MAML3: variants seen among roughly 807,000 people sequenced by gnomAD.
The protein encoded by MAML3 is mastermind like transcriptional coactivator 3.
A neutral mutation model predicts 101.9 loss-of-function variants in MAML3; 27 were observed. The observed-to-expected ratio is 0.27, with a 90% confidence interval of 0.20 to 0.37. The LOEUF is 0.37. Ranked by LOEUF, MAML3 falls within the 10% of genes least tolerant of loss-of-function variation. The pLI is 1.00. For missense variants in MAML3, 1,316 were observed against 1,444.9 expected, an observed-to-expected ratio of 0.91 and a Z score of 1.45; for synonymous variants, 501 against 555.9, an observed-to-expected ratio of 0.90 and a Z score of 1.39.
intron 1 of MAML3, among the ~76,000 whole-genome samples, chr4:139,899,556 C>T (rs1328867674): frequency 6.6e-6 from 1 of 152,112 alleles, no homozygotes; most frequent in African/African-American, 2.4e-5. Context: ...ACTCACTCCC[C>T]AGAGCAAAGT....
chr4:140,104,846 A>G (rs547752496), intron 1 of MAML3, among the ~76,000 whole-genome samples: 7 of 146,510 alleles, frequency 4.8e-5, no homozygotes, highest in Non-Finnish European at 1.1e-4. Flanking sequence ...CATCATTATA[A>G]AACTTTAATT....
chr4:140,151,233 A>G (rs895845274), intron 1 of MAML3, among the ~76,000 whole-genome samples: 1 of 151,026 alleles, frequency 6.6e-6, no homozygotes, highest in Non-Finnish European at 1.5e-5. Context: ...GAGGAGGAAG[A>G]GGAGGAGGGA....
At chr4:139,825,045 C>T (rs911211372) in intron 2 of MAML3, among the ~76,000 whole-genome samples, 3 of 152,122 alleles carry the variant, frequency 2.0e-5, no homozygotes, top group Non-Finnish European at 2.9e-5. Flanking sequence ...TGCAGCACCC[C>T]GCCCCCTTCC....
chr4:139,780,614 CTTTCT>C (rs959764048), intron 2 of MAML3, among the ~76,000 whole-genome samples: 4 of 138,598 alleles, frequency 2.9e-5, no homozygotes, highest in African/African-American at 8.1e-5. Flanking sequence ...CCATTTCTTT[CTTTCT>C]TTTCTTTTTT....
intron 1 of MAML3, among the ~76,000 whole-genome samples, chr4:139,902,758 G>A (rs1424575045): frequency 3.9e-5 from 6 of 152,134 alleles, no homozygotes; most frequent in Non-Finnish European, 5.9e-5. Context: ...TTAGACCAAG[G>A]TACTGTTGTT....
intron 1 of MAML3, among the ~76,000 whole-genome samples, chr4:140,008,778 A>G (rs887961830): frequency 6.6e-6 from 1 of 152,208 alleles, no homozygotes; most frequent in African/African-American, 2.4e-5. Flanking sequence ...ACACACAAAC[A>G]TTAACCTGAT....
intron 1 of MAML3, among the ~76,000 whole-genome samples, chr4:140,062,916 C>T (rs774563753): frequency 7.9e-5 from 12 of 152,156 alleles, no homozygotes; most frequent in Non-Finnish European, 1.3e-4. Context: ...TCGATAAACA[C>T]GTTTCTGTAG....
intron 1 of MAML3, among the ~76,000 whole-genome samples, chr4:140,059,840 C>G (rs1051250089): frequency 3.9e-5 from 6 of 151,988 alleles, no homozygotes; most frequent in Non-Finnish European, 8.8e-5. Context: ...ATGGCAAAAT[C>G]AAATATGCAT....
intron 2 of MAML3, among the ~76,000 whole-genome samples, chr4:139,838,590 G>A (rs897959245): frequency 1.3e-5 from 2 of 152,148 alleles, no homozygotes; most frequent in Non-Finnish European, 2.9e-5. Context: ...AAGTGTTGCT[G>A]TTCAGGTCCC....
intron 1 of MAML3, among the ~76,000 whole-genome samples, chr4:140,120,525 T>A (rs955292241): frequency 6.6e-6 from 1 of 152,230 alleles, no homozygotes; most frequent in Non-Finnish European, 1.5e-5. Flanking sequence ...ATTTTAAGGG[T>A]ATCCAATCGT....
intron 1 of MAML3, among the ~76,000 whole-genome samples, chr4:140,106,629 A>T (rs1728356948): frequency 6.6e-6 from 1 of 152,238 alleles, no homozygotes; most frequent in Admixed American, 6.5e-5. Flanking sequence ...TGCAGCATGG[A>T]GACTGCTACA....
chr4:139,757,252 T>C (rs1451419814), intron 2 of MAML3, among the ~76,000 whole-genome samples: 1 of 152,156 alleles, frequency 6.6e-6, no homozygotes, highest in Non-Finnish European at 1.5e-5. Flanking sequence ...CTCTCCTGGC[T>C]GGTTGTCCAT....
chr4:139,928,195 G>A (rs942963349), intron 1 of MAML3, among the ~76,000 whole-genome samples: 2 of 152,108 alleles, frequency 1.3e-5, no homozygotes, highest in African/African-American at 2.4e-5. Context: ...CCATCAATGC[G>A]ATACCTCTAC....
chr4:139,841,790 T>C (rs899992906), intron 2 of MAML3, among the ~76,000 whole-genome samples: 1 of 152,244 alleles, frequency 6.6e-6, no homozygotes, highest in East Asian at 1.9e-4. Flanking sequence ...TTACATTTCT[T>C]ACAGGCTGCC....
At chr4:140,119,176 C>G (rs1047115024) in intron 1 of MAML3, among the ~76,000 whole-genome samples, 1 of 152,136 alleles carries the variant, frequency 6.6e-6, no homozygotes, top group East Asian at 1.9e-4. Flanking sequence ...TTCTCACTTC[C>G]AATCTCACAC....
At chr4:139,840,244 G>A (rs1486660869) in intron 2 of MAML3, among the ~76,000 whole-genome samples, 6 of 152,214 alleles carry the variant, frequency 3.9e-5, no homozygotes, top group Admixed American at 3.9e-4. Context: ...AGAAAGTGCA[G>A]ATATAAGCAG....
At chr4:139,869,969 G>C (rs1232775773) in intron 2 of MAML3, among the ~76,000 whole-genome samples, 1 of 152,212 alleles carries the variant, frequency 6.6e-6, no homozygotes, top group East Asian at 1.9e-4. Context: ...AATAGGCTTT[G>C]CTTTGGTTCC....
intron 2 of MAML3, among the ~76,000 whole-genome samples, chr4:139,878,753 T>C (rs2604929): frequency 0.85 from 128,646 of 151,948 alleles, 54,956 homozygotes; most frequent in African/African-American, 0.96. Context: ...TTGATGTGAT[T>C]GAGCATCAGA....
chr4:139,912,194 G>A (rs992698385), intron 1 of MAML3, among the ~76,000 whole-genome samples: 4 of 152,134 alleles, frequency 2.6e-5, no homozygotes, highest in African/African-American at 9.7e-5. Flanking sequence ...GAGACAATGA[G>A]GAAGGGCATA....
Sources: allele counts gnomAD v4.1 joint callset (sites outside exome capture counted in the v4.1 genomes callset), GRCh38; gene constraint gnomAD v4.1.1; transcripts MANE v1.5; gene names NCBI Gene and HGNC (gene_info 2026-07-23, HGNC 2026-07-21).